LRMDA: variants seen among roughly 807,000 people sequenced by gnomAD.
LRMDA encodes the protein leucine-rich melanocyte differentiation-associated protein.
In LRMDA, 18 loss-of-function variants were observed where a neutral mutation model predicts 29.8. That is an observed-to-expected ratio of 0.60 (90% confidence interval 0.42 to 0.90). The LOEUF is 0.90. Ranked by LOEUF, LRMDA falls within the 40% of genes least tolerant of loss-of-function variation. LRMDA has a pLI of 0.00. For missense variants in LRMDA, 273 were observed against 273.9 expected (o/e 1.00, Z 0.02); for synonymous variants, 125 against 109.4 (o/e 1.14, Z -0.89).
chr10:75,464,008 G>A (rs938186482), intron 2 of LRMDA, among the ~76,000 whole-genome samples: 2 of 152,084 alleles, frequency 1.3e-5, no homozygotes, highest in Non-Finnish European at 1.5e-5. Context: ...CTCCATGTTG[G>A]CAAGGCTGGT....
At chr10:75,913,398 G>T (rs1282685687) in intron 2 of LRMDA, among the ~76,000 whole-genome samples, 1 of 152,192 alleles carries the variant, frequency 6.6e-6, no homozygotes, top group Admixed American at 6.5e-5. Context: ...AGAGGTTGCA[G>T]TGAGCCAAGA....
intron 2 of LRMDA, among the ~76,000 whole-genome samples, chr10:75,574,273 TTC>T (rs368879114): frequency 2.0e-5 from 3 of 152,080 alleles, no homozygotes; most frequent in South Asian, 4.2e-4. Context: ...GGTAATTTCT[TTC>T]TCTCTCTCTC....
chr10:76,444,907 A>C (rs531734248), intron 6 of LRMDA, among the ~76,000 whole-genome samples: 2 of 152,266 alleles, frequency 1.3e-5, no homozygotes, highest in South Asian at 4.1e-4. Context: ...AATTGTATTC[A>C]TGTACATATA....
intron 5 of LRMDA, among the ~76,000 whole-genome samples, chr10:76,316,468 G>A (rs1840700979): frequency 1.3e-5 from 2 of 152,186 alleles, no homozygotes; most frequent in South Asian, 2.1e-4. Context: ...TGTGGGATCT[G>A]GGCCGGTAGT....
At chr10:76,417,653 TTTG>T (rs1842030883) in intron 6 of LRMDA, among the ~76,000 whole-genome samples, 1 of 152,224 alleles carries the variant, frequency 6.6e-6, no homozygotes. Context: ...TTTGGGGATT[TTTG>T]TTGTTGTTGT....
chr10:75,990,022 C>T (rs1847339902), intron 2 of LRMDA, among the ~76,000 whole-genome samples: 1 of 152,122 alleles, frequency 6.6e-6, no homozygotes, highest in Non-Finnish European at 1.5e-5. Flanking sequence ...GGTCTCCGGC[C>T]TTGATACAAT....
chr10:76,196,920 T>A (rs184063063), intron 5 of LRMDA, among the ~76,000 whole-genome samples: 1 of 152,226 alleles, frequency 6.6e-6, no homozygotes, highest in Non-Finnish European at 1.5e-5. Flanking sequence ...GGCTACCTTA[T>A]GGTGCAACCC....
At chr10:76,405,404 G>C (rs547583821) in intron 6 of LRMDA, among the ~76,000 whole-genome samples, 7 of 152,260 alleles carry the variant, frequency 4.6e-5, no homozygotes, top group African/African-American at 1.7e-4. Context: ...ATGGTGCCCA[G>C]GTGTGTTTCA....
chr10:75,862,205 C>A (rs554815466), intron 2 of LRMDA, among the ~76,000 whole-genome samples: 30 of 151,940 alleles, frequency 2.0e-4, no homozygotes, highest in Non-Finnish European at 3.8e-4. Context: ...CACACACACA[C>A]ACACACGCAC....
chr10:76,176,122 G>A (rs554073693), intron 5 of LRMDA, among the ~76,000 whole-genome samples: 1 of 152,280 alleles, frequency 6.6e-6, no homozygotes, highest in African/African-American at 2.4e-5. Context: ...CTCATATCCT[G>A]TGGACAGATG....
chr10:76,209,442 G>C (rs980899758), intron 5 of LRMDA, among the ~76,000 whole-genome samples: 4 of 152,124 alleles, frequency 2.6e-5, no homozygotes, highest in Non-Finnish European at 5.9e-5. Context: ...CTTCTGTTGG[G>C]GGTGTTTTCT....
intron 5 of LRMDA, among the ~76,000 whole-genome samples, chr10:76,281,600 A>G (rs1395290160): frequency 6.6e-6 from 1 of 152,002 alleles, no homozygotes; most frequent in East Asian, 1.9e-4. Context: ...AATTTTCTTC[A>G]GTTCAAAGAG....
At chr10:76,550,492 C>G (rs1347807050) in intron 6 of LRMDA, among the ~76,000 whole-genome samples, 1 of 148,332 alleles carries the variant, frequency 6.7e-6, no homozygotes, top group African/African-American at 2.5e-5. Context: ...CCCCCACCCC[C>G]GGCCCCCATG....
At chr10:76,483,022 T>G (rs1446161965) in intron 6 of LRMDA, among the ~76,000 whole-genome samples, 1 of 151,984 alleles carries the variant, frequency 6.6e-6, no homozygotes, top group African/African-American at 2.4e-5. Context: ...TCTTGACCAT[T>G]TAAATTTCCT....
chr10:75,596,693 C>T (rs1840793572), intron 2 of LRMDA, among the ~76,000 whole-genome samples: 2 of 152,200 alleles, frequency 1.3e-5, no homozygotes, highest in African/African-American at 4.8e-5. Flanking sequence ...TGGGAACATG[C>T]AACGTCCTCC....
chr10:75,616,282 CAGTAGTAGT>C (rs981273326), intron 2 of LRMDA, among the ~76,000 whole-genome samples: 1 of 150,954 alleles, frequency 6.6e-6, no homozygotes, highest in African/African-American at 2.5e-5. Flanking sequence ...GCAGCAGCAG[CAGTAGTAGT>C]AGTAGTGGTG....
chr10:76,376,169 G>A (rs1377997292), intron 6 of LRMDA, among the ~76,000 whole-genome samples: 2 of 151,958 alleles, frequency 1.3e-5, no homozygotes, highest in African/African-American at 4.8e-5. Flanking sequence ...ACCTTTTGGA[G>A]CCTCCAGTGT....
chr10:76,136,027 G>A (rs541045347), intron 5 of LRMDA, among the ~76,000 whole-genome samples: 18 of 152,218 alleles, frequency 1.2e-4, no homozygotes, highest in African/African-American at 4.3e-4. Context: ...TCTTGAAGCA[G>A]GAGTCGTGTC....
chr10:75,727,360 T>A (rs1412634891), intron 2 of LRMDA, among the ~76,000 whole-genome samples: 3 of 152,304 alleles, frequency 2.0e-5, no homozygotes, highest in East Asian at 3.9e-4. Flanking sequence ...ATAGGGAATG[T>A]GAAGAGGGCT....
Sources: allele counts gnomAD v4.1 joint callset (sites outside exome capture counted in the v4.1 genomes callset), GRCh38; gene constraint gnomAD v4.1.1; transcripts MANE v1.5; gene names NCBI Gene and HGNC (gene_info 2026-07-23, HGNC 2026-07-21).